Variants in HS6ST2 observed in about 807,000 individuals in gnomAD.
The protein encoded by HS6ST2 is heparan sulfate 6-O-sulfotransferase 2.
HS6ST2 carries 17 observed loss-of-function variants against 33.0 expected under a neutral mutation model. The observed-to-expected ratio is 0.52, with a 90% CI of 0.35 to 0.77. The LOEUF (loss-of-function observed/expected upper bound fraction) is 0.77. Ranked by LOEUF, HS6ST2 falls within the 30% of genes least tolerant of loss-of-function variation. The pLI, the probability that HS6ST2 is intolerant of heterozygous loss-of-function variation, is 0.01. For missense variants in HS6ST2, 519 were observed against 551.7 expected (o/e 0.94, Z 0.59); for synonymous variants, 248 against 237.1 (o/e 1.05, Z -0.42).
intron 2 of HS6ST2, among the ~76,000 whole-genome samples, chrX:132,872,806 G>T (rs1275644769): frequency 9.0e-6 from 1 of 111,407 alleles, no homozygotes; most frequent in Non-Finnish European, 1.9e-5. Context: ...ACACAAAGAG[G>T]CCTTACAACA....
At position 132,732,033 on chromosome X, in the gene HS6ST2, G is replaced by A. The variant is rs371445307; in HGVS notation, c.948-23539C>T. On this transcript the variant is annotated intron_variant, in intron 2 of 4. Transcript: ENST00000370833. ...AGGCAAACGATGGCAATCCTAAAGGGTAGTGTTGCACTGAAATAAATTATT... is the reference window on the plus strand; with the variant it reads ...AGGCAAACGATGGCAATCCTAAAGGATAGTGTTGCACTGAAATAAATTATT... Among the ~76,000 whole-genome samples the A allele has an allele frequency of 9.8e-5, 11 of 111,810 alleles. No individual in the cohort carries two copies. The South Asian group carries it at 4.2e-3, about 42-fold the overall frequency.
chrX:132,641,654 A>T (rs767264912), intron 4 of HS6ST2, among the ~76,000 whole-genome samples: 2 of 112,808 alleles, frequency 1.8e-5, no homozygotes, highest in East Asian at 5.6e-4. Flanking sequence ...TGAAAACCAT[A>T]GAGTCTTTAT....
At chrX:132,862,044 T>G (rs987679810) in intron 2 of HS6ST2, among the ~76,000 whole-genome samples, 1 of 112,167 alleles carries the variant, frequency 8.9e-6, no homozygotes, top group Non-Finnish European at 1.9e-5. Context: ...AAATATATTT[T>G]CATACAATAT....
intron 2 of HS6ST2, among the ~76,000 whole-genome samples, chrX:132,879,452 T>C (rs2066143236): frequency 3.0e-5 from 1 of 33,068 alleles, no homozygotes; most frequent in Middle Eastern, 0.017. Flanking sequence ...AATACATTCT[T>C]TTGGGCCTTG....
chrX:132,849,863 C>A (rs754459496), intron 2 of HS6ST2, among the ~76,000 whole-genome samples: 43 of 112,130 alleles, frequency 3.8e-4, no homozygotes, highest in Non-Finnish European at 6.4e-4. Context: ...CTTGCAGAGA[C>A]TTATAGAAGA....
intron 2 of HS6ST2, among the ~76,000 whole-genome samples, chrX:132,846,733 G>T: frequency 9.1e-6 from 1 of 110,157 alleles, no homozygotes; most frequent in East Asian, 2.9e-4. Flanking sequence ...TGCTGATGTG[G>T]CATTTGGAGA....
At chrX:132,754,914 G>A (rs1228571489) in intron 2 of HS6ST2, among the ~76,000 whole-genome samples, 2 of 110,691 alleles carry the variant, frequency 1.8e-5, no homozygotes, top group Non-Finnish European at 3.8e-5. Context: ...GTCTCACTAT[G>A]TTGCCCAGGC....
intron 2 of HS6ST2, among the ~76,000 whole-genome samples, chrX:132,951,885 C>G (rs2067019918): frequency 8.9e-6 from 1 of 112,272 alleles, no homozygotes; most frequent in African/African-American, 3.2e-5. Context: ...TGTTTTCAAA[C>G]AAAATCCATT....
chrX:132,836,429 G>A lies in HS6ST2; in HGVS notation c.947+120379C>T, dbSNP rs140936448. 9.6e-3 allele frequency among the ~76,000 whole-genome samples: 1,082 copies of A among 112,740 alleles called. 21 individuals carry two copies. The East Asian group carries it at 0.097, about 10-fold the overall frequency. On this transcript the variant is annotated intron_variant, in intron 2 of 4. Transcript: ENST00000370833. Reference sequence around the variant, plus strand: ...CACCTTAAGGTTGCTAGGGCAGGGGGCCCCTGTGCCCACAAATGGGAAGGC... The same window carrying A: ...CACCTTAAGGTTGCTAGGGCAGGGGACCCCTGTGCCCACAAATGGGAAGGC...
At chrX:132,741,312 T>G (rs1662337531) in intron 2 of HS6ST2, among the ~76,000 whole-genome samples, 1 of 109,263 alleles carries the variant, frequency 9.2e-6, no homozygotes, top group African/African-American at 3.3e-5. Flanking sequence ...GTTTTTTTTT[T>G]TTTTTGAGAC....
At chrX:132,776,224 T>C (rs1332539911) in intron 2 of HS6ST2, among the ~76,000 whole-genome samples, 2 of 111,967 alleles carry the variant, frequency 1.8e-5, no homozygotes, top group Non-Finnish European at 3.8e-5. Context: ...CACAACATAA[T>C]TGAAAAGAGA....
chrX:132,900,490 A>G (rs1018409948), intron 2 of HS6ST2, among the ~76,000 whole-genome samples: 3 of 111,105 alleles, frequency 2.7e-5, no homozygotes, highest in African/African-American at 9.8e-5. Flanking sequence ...CTGAAGTGGG[A>G]GGACTGCTTG....
At chrX:132,680,021 C>T (rs1437523008) in intron 3 of HS6ST2, among the ~76,000 whole-genome samples, 1 of 105,493 alleles carries the variant, frequency 9.5e-6, no homozygotes, top group Non-Finnish European at 1.9e-5. Flanking sequence ...GCAGTTAACG[C>T]AATTATCACA....
chrX:132,653,297 G>C (rs919897778), intron 4 of HS6ST2, among the ~76,000 whole-genome samples: 2 of 111,834 alleles, frequency 1.8e-5, no homozygotes, highest in African/African-American at 6.5e-5. Context: ...TGCTGTCCTG[G>C]GTAAAACACT....
chrX:132,849,306 A>G (rs986446349), intron 2 of HS6ST2, among the ~76,000 whole-genome samples: 1 of 111,604 alleles, frequency 9.0e-6, no homozygotes, highest in African/African-American at 3.3e-5. Flanking sequence ...TTTTAACTAC[A>G]CATACTCTAC....
chrX:132,789,609 A>G (rs1044179005), intron 2 of HS6ST2, among the ~76,000 whole-genome samples: 1 of 112,497 alleles, frequency 8.9e-6, no homozygotes, highest in African/African-American at 3.2e-5. Flanking sequence ...TATAGCTGCC[A>G]TATTGATTCT....
chrX:132,951,360 T>C (rs1364285210), intron 2 of HS6ST2, among the ~76,000 whole-genome samples: 1 of 110,757 alleles, frequency 9.0e-6, no homozygotes, highest in African/African-American at 3.3e-5. Flanking sequence ...CAGACCTGCC[T>C]AGGTGAGGTT....
chrX:132,663,993 T>A (rs1817537191), intron 4 of HS6ST2, among the ~76,000 whole-genome samples: 1 of 112,157 alleles, frequency 8.9e-6, no homozygotes, highest in Non-Finnish European at 1.9e-5. Context: ...AAGCAAGACT[T>A]CATTTTATCT....
At chrX:132,633,861 T>A (rs1603287939) in intron 4 of HS6ST2, among the ~76,000 whole-genome samples, 2 of 111,926 alleles carry the variant, frequency 1.8e-5, no homozygotes, top group Admixed American at 1.9e-4. Context: ...TATTGGAACA[T>A]GGCCTGCTAA....
Sources: allele counts gnomAD v4.1 joint callset (sites outside exome capture counted in the v4.1 genomes callset), GRCh38; gene constraint gnomAD v4.1.1; transcripts MANE v1.5; gene names NCBI Gene and HGNC (gene_info 2026-07-23, HGNC 2026-07-21).